AXDND1: variants seen among roughly 807,000 people sequenced by gnomAD.
The protein encoded by AXDND1 is axonemal dynein light chain domain containing 1, also known as axonemal dynein light chain domain-containing protein 1.
Under a neutral mutation model 137.5 loss-of-function variants are expected in AXDND1, and 110 were observed. The ratio of observed to expected loss-of-function variants is 0.80; its 90% CI spans 0.69 to 0.94. The LOEUF (loss-of-function observed/expected upper bound fraction) is 0.94, where lower values mean the gene tolerates loss of function less well. Ranked by LOEUF, AXDND1 falls within the 40% of genes least tolerant of loss-of-function variation. The pLI, the probability that AXDND1 is intolerant of heterozygous loss-of-function variation, is 0.00. For synonymous variants in AXDND1, 414 were observed against 399.7 expected (o/e 1.04, Z -0.43); for missense variants, 1,191 against 1,169.8 (o/e 1.02, Z -0.26).
At chr1:179,375,954 T>A (rs900813235) in intron 4 of AXDND1, among the ~76,000 whole-genome samples, 19 of 152,328 alleles carry the variant, frequency 1.2e-4, no homozygotes, top group Non-Finnish European at 2.5e-4. Context: ...TTCAGGATCT[T>A]CCTGGGACAC....
chr1:179,387,653 T>G (rs528213480), intron 9 of AXDND1, among the ~76,000 whole-genome samples: 2 of 152,326 alleles, frequency 1.3e-5, no homozygotes, highest in Admixed American at 1.3e-4. Context: ...ATTAAGTTAT[T>G]TAAAAAAATT....
chr1:179,551,463 G>A (rs1673270402), intron 25 of AXDND1: 2 of 1,612,490 alleles, frequency 1.2e-6, no homozygotes, highest in African/African-American at 1.3e-5. Context: ...TAGAAAACAT[G>A]TGACGAAAGC....
intron 16 of AXDND1, chr1:179,456,412 C>T (rs1661415450): frequency 1.3e-6 from 1 of 777,692 alleles, no homozygotes; most frequent in Non-Finnish European, 2.3e-6. Flanking sequence ...TTGTAGCTTC[C>T]ACTACCTCCA....
rs917899901 is a variant in AXDND1, at chr1:179,476,576, G to A, written c.1998-6552G>A. 5.3e-5 allele frequency among the ~76,000 whole-genome samples: 8 copies of A among 151,910 alleles called. 1 individual carries two copies. The Middle Eastern group carries it at 0.01, about 194-fold the overall frequency. On this transcript the variant is annotated intron_variant, in intron 17 of 25. Transcript: ENST00000367618. ...CTTCGGTTTTTTTTTTAAATCTGGG[G>A]CAGTCTTTATTCCACCTTCATTTTT...
intron 24 of AXDND1, 36 bp from the exon 25 acceptor site, chr1:179,534,694 C>G (rs1461395604): frequency 9.8e-6 from 15 of 1,535,788 alleles, no homozygotes; most frequent in Non-Finnish European, 1.3e-5. Context: ...CTTTTTCAAC[C>G]CTTTCTATTT....
chr1:179,499,484 G>T (rs12117685), intron 20 of AXDND1, among the ~76,000 whole-genome samples: 99,853 of 151,848 alleles, frequency 0.66, 34,095 homozygotes, highest in East Asian at 0.81. Context: ...TAAAGGAGGG[G>T]GAGGAATGGG....
At chr1:179,436,736 A>G (rs892840413) in intron 15 of AXDND1, among the ~76,000 whole-genome samples, 1 of 152,062 alleles carries the variant, frequency 6.6e-6, no homozygotes, top group Non-Finnish European at 1.5e-5. Context: ...ACAAATAGCT[A>G]ATGCATGCTT....
At chr1:179,469,025 G>A (rs547686519) in intron 17 of AXDND1, among the ~76,000 whole-genome samples, 2 of 152,106 alleles carry the variant, frequency 1.3e-5, no homozygotes, top group East Asian at 3.9e-4. Context: ...TACCTCCCGG[G>A]TTCAAGTGAT....
At chr1:179,449,182 G>A (rs761061963) in intron 16 of AXDND1, 2 of 449,146 alleles carry the variant, frequency 4.5e-6, no homozygotes, top group Non-Finnish European at 8.9e-6. Flanking sequence ...CACCGCACCT[G>A]GCCTTGGGTT....
At chr1:179,424,564 A>T (rs1045161201) in intron 12 of AXDND1, among the ~76,000 whole-genome samples, 1 of 151,010 alleles carries the variant, frequency 6.6e-6, no homozygotes, top group Non-Finnish European at 1.5e-5. Flanking sequence ...AGTAGCTGGG[A>T]TTACAGGCAC....
intron 15 of AXDND1, among the ~76,000 whole-genome samples, chr1:179,440,955 G>A (rs11802624): frequency 0.29 from 44,581 of 151,970 alleles, 6,731 homozygotes; most frequent in Non-Finnish European, 0.31. Flanking sequence ...GGTCATTATT[G>A]TTTGAGTATG....
rs1356608273 is a variant in AXDND1 at position 179,388,122 on chromosome 1, G to A, written c.863+2763G>A. ...AAGGCATTAGGCTGGCACAATTGTA[G>A]GGTTTGCTTTATTTATTTCTGGTCT... On this transcript the variant is annotated intron_variant, in intron 9 of 25. Transcript: ENST00000367618. Among the ~76,000 whole-genome samples the A allele has an allele frequency of 2.6e-5, 4 of 152,088 alleles. No individual in the cohort carries two copies. In the East Asian group the frequency reaches 5.8e-4, roughly 22 times the overall value.
At chr1:179,382,523 T>C (rs763684690) in intron 6 of AXDND1, among the ~76,000 whole-genome samples, 177 bp from the exon 7 acceptor site, 6 of 152,248 alleles carry the variant, frequency 3.9e-5, no homozygotes, top group Non-Finnish European at 7.3e-5. Flanking sequence ...CAGGTTCATC[T>C]TGTATTTTCC....
intron 25 of AXDND1, chr1:179,551,691 G>A (rs1673305942): frequency 3.8e-6 from 2 of 532,474 alleles, no homozygotes; most frequent in Non-Finnish European, 6.7e-6. Flanking sequence ...GAAGTATTAG[G>A]GGAGTTATTA....
chr1:179,410,359 T>G (rs188060742), intron 11 of AXDND1, among the ~76,000 whole-genome samples: 6 of 152,168 alleles, frequency 3.9e-5, no homozygotes, highest in Admixed American at 2.6e-4. Flanking sequence ...GCCTCCCAAA[T>G]AGCTGGAACT....
chr1:179,369,184 C>T (rs1177738905), intron 3 of AXDND1, among the ~76,000 whole-genome samples: 1 of 152,064 alleles, frequency 6.6e-6, no homozygotes, highest in Non-Finnish European at 1.5e-5. Context: ...CTCAGGTGAT[C>T]CTCCCACCTC....
intron 23 of AXDND1, among the ~76,000 whole-genome samples, chr1:179,528,888 G>T (rs555183775): frequency 1.3e-5 from 2 of 151,900 alleles, no homozygotes; most frequent in African/African-American, 4.8e-5. Context: ...TATTGCGCCC[G>T]GCCTAAACCC....
At chr1:179,513,283 G>C (rs1052756969) in intron 21 of AXDND1, among the ~76,000 whole-genome samples, 1 of 152,114 alleles carries the variant, frequency 6.6e-6, no homozygotes, top group Non-Finnish European at 1.5e-5. Flanking sequence ...AGGGATGCTG[G>C]ATTTTGTTGA....
chr1:179,483,060 A>T (rs905405933), intron 17 of AXDND1, 68 bp from the exon 18 acceptor site: 9 of 1,053,066 alleles, frequency 8.5e-6, no homozygotes, highest in Non-Finnish European at 1.2e-5. Flanking sequence ...ACTCTTTCTC[A>T]TAGCTGATAG....
Sources: allele counts gnomAD v4.1 joint callset (sites outside exome capture counted in the v4.1 genomes callset), GRCh38; gene constraint gnomAD v4.1.1; transcripts MANE v1.5; gene names NCBI Gene and HGNC (gene_info 2026-07-23, HGNC 2026-07-21).